The following CNTFR variants were observed in gnomAD, a reference collection of about 807,000 sequenced individuals.
CNTFR encodes the protein ciliary neurotrophic factor receptor.
In CNTFR, 12 loss-of-function variants were observed where a neutral mutation model predicts 40.4. The ratio of observed to expected loss-of-function variants is 0.30; its 90% CI spans 0.19 to 0.48. The LOEUF is 0.48. Among genes scored for constraint, CNTFR ranks in the 20% least tolerant of loss-of-function variants. The pLI, the probability that CNTFR is intolerant of heterozygous loss-of-function variation, is 0.99. For missense variants in CNTFR, 414 were observed against 506.8 expected, an observed-to-expected ratio of 0.82 and a Z score of 1.76; for synonymous variants, 202 against 209.6, an observed-to-expected ratio of 0.96 and a Z score of 0.31.
intron 2 of CNTFR, among the ~76,000 whole-genome samples, chr9:34,575,402 A>G (rs1826901618): frequency 6.6e-6 from 1 of 152,162 alleles, no homozygotes. Context: ...TGGGCAGAGC[A>G]ATAGGGTTGA....
At chr9:34,577,889 G>T (rs1393098921) in intron 2 of CNTFR, among the ~76,000 whole-genome samples, 1 of 151,912 alleles carries the variant, frequency 6.6e-6, no homozygotes, top group Non-Finnish European at 1.5e-5. Context: ...AGCCGCGGGG[G>T]GCGGAGGCCG....
At position 34,564,587 on chromosome 9, in the gene CNTFR, G is replaced by A. The variant is rs1452913157; in HGVS notation, c.319+12C>T. 2 of 1,598,594 alleles carry A rather than the reference G, an allele frequency of 1.3e-6. No individual in the cohort carries two copies. The highest frequency in any genetic ancestry group is 1.1e-5 in the South Asian group (1 of 88,670). ...GGAGGGAGGCTGGATGAGGGGTGGG[G>A]GCAACACTTACAGCCCACATGCAGC... On this transcript the variant is annotated intron_variant, in intron 4 of 9. Transcript: ENST00000378980.
At chr9:34,584,097 TTG>T (rs1488117666) in intron 1 of CNTFR, among the ~76,000 whole-genome samples, 3 of 152,072 alleles carry the variant, frequency 2.0e-5, no homozygotes, top group African/African-American at 7.2e-5. Flanking sequence ...TGGGAACACT[TTG>T]TGTTTTTTGC....
In CNTFR at chr9:34,564,580, G is replaced by A; in HGVS notation, c.319+19C>T. ...CAAGGAAGGAGGGAGGCTGGATGAGGGGTGGGGGCAACACTTACAGCCCAC... is the reference window on the plus strand; with the variant it reads ...CAAGGAAGGAGGGAGGCTGGATGAGAGGTGGGGGCAACACTTACAGCCCAC... On this transcript the variant is annotated intron_variant, in intron 4 of 9. Transcript: ENST00000378980. 1 of 1,589,282 alleles carries A rather than the reference G, an allele frequency of 6.3e-7. No homozygotes were observed. Among genetic ancestry groups the A allele is most frequent in the Non-Finnish European group, 8.6e-7 (1 of 1,166,146 alleles).
intron 4 of CNTFR, among the ~76,000 whole-genome samples, chr9:34,562,773 G>A (rs1587131903): frequency 6.6e-6 from 1 of 152,190 alleles, no homozygotes; most frequent in African/African-American, 2.4e-5. Context: ...CACTCTGTTG[G>A]TGGGTACCTC....
rs1825680258 is a variant in CNTFR, at chr9:34,552,575, G to C, written c.949+99C>G. ...CAGGCAGAAGTGTGGCTACCCCCGGGAGCAGAGGCTGGAGGCAGCAGGGTA... is the reference window on the plus strand; with the variant it reads ...CAGGCAGAAGTGTGGCTACCCCCGGCAGCAGAGGCTGGAGGCAGCAGGGTA... On this transcript the variant is annotated intron_variant, in intron 8 of 9. Transcript: ENST00000378980. The surrounding 1 kb of genome is among the most constrained non-coding windows in gnomAD (Gnocchi z 5.1). The C allele has an allele frequency of 5.4e-6, 7 of 1,295,310 alleles. No homozygotes were observed. Among genetic ancestry groups the C allele is most frequent in the Admixed American group, 5.0e-5 (2 of 39,846 alleles). 80.2% of individuals were successfully genotyped at this position (1,295,310 alleles called of 1,614,324 possible).
chr9:34,579,483 A>C (rs998024737), intron 2 of CNTFR, among the ~76,000 whole-genome samples: 4 of 152,058 alleles, frequency 2.6e-5, no homozygotes, highest in African/African-American at 9.7e-5. Context: ...GATGGGCCCT[A>C]GAAGAGAGAG....
intron 7 of CNTFR, among the ~76,000 whole-genome samples, chr9:34,554,245 G>A (rs1453940570): frequency 2.6e-5 from 4 of 152,176 alleles, no homozygotes; most frequent in Non-Finnish European, 4.4e-5. Flanking sequence ...CTCTGGCTGA[G>A]TAGCCACGGC....
chr9:34,577,158 AGTCGCT>A (rs1293666590), intron 2 of CNTFR, among the ~76,000 whole-genome samples: 2 of 152,210 alleles, frequency 1.3e-5, no homozygotes, highest in Admixed American at 1.3e-4. Flanking sequence ...GTAGACGCGG[AGTCGCT>A]GTCCAGTCAG....
intron 4 of CNTFR, among the ~76,000 whole-genome samples, chr9:34,561,450 AG>A (rs1233448253): frequency 6.6e-6 from 1 of 152,210 alleles, no homozygotes; most frequent in African/African-American, 2.4e-5. Flanking sequence ...TGCTACTAAA[AG>A]CAACACTGTG....
chr9:34,590,380 C>A (rs183969416), upstream of CNTFR, among the ~76,000 whole-genome samples: 53 of 152,314 alleles, frequency 3.5e-4, no homozygotes, highest in Non-Finnish European at 7.1e-4. Context: ...CCGGCGTCGC[C>A]GTGAGAGGAA....
intron 4 of CNTFR, among the ~76,000 whole-genome samples, chr9:34,560,961 G>A (rs1392410938): frequency 6.6e-6 from 1 of 152,206 alleles, no homozygotes; most frequent in Non-Finnish European, 1.5e-5. Context: ...GCACGCATGA[G>A]GCCTGCCCGC....
chr9:34,567,208 G>A (rs1186951070), intron 3 of CNTFR, among the ~76,000 whole-genome samples: 1 of 151,976 alleles, frequency 6.6e-6, no homozygotes, highest in Admixed American at 6.6e-5. Context: ...CTGAAGCGGT[G>A]ACAAATGCTC....
intron 4 of CNTFR, among the ~76,000 whole-genome samples, chr9:34,559,888 T>A (rs28733731): frequency 0.024 from 3,584 of 151,660 alleles, 151 homozygotes; most frequent in African/African-American, 0.083. Context: ...CTGACCAGGC[T>A]CCCCCACTCC....
intron 4 of CNTFR, among the ~76,000 whole-genome samples, chr9:34,558,476 T>G (rs1479537201): frequency 6.6e-6 from 1 of 152,170 alleles, no homozygotes; most frequent in Non-Finnish European, 1.5e-5. Flanking sequence ...AGGACAGGCC[T>G]GGTGGCTACA....
chr9:34,553,216 G>C (rs904750449), intron 7 of CNTFR, among the ~76,000 whole-genome samples: 32 of 152,136 alleles, frequency 2.1e-4, no homozygotes, highest in Admixed American at 2.0e-3. Context: ...TCCCAGCCTG[G>C]AGGTGGCAAG....
chr9:34,569,164 G>T (rs946853519), intron 2 of CNTFR, among the ~76,000 whole-genome samples, 183 bp from the exon 3 acceptor site: 2 of 152,226 alleles, frequency 1.3e-5, no homozygotes, highest in Non-Finnish European at 2.9e-5. Context: ...AATCATGCAG[G>T]CAGGGAGCTT....
chr9:34,558,478 G>C (rs1030625721), intron 4 of CNTFR, among the ~76,000 whole-genome samples: 8 of 152,318 alleles, frequency 5.3e-5, no homozygotes, highest in Non-Finnish European at 1.0e-4. Flanking sequence ...GACAGGCCTG[G>C]TGGCTACACA....
chr9:34,562,590 G>C (rs939443166), intron 4 of CNTFR, among the ~76,000 whole-genome samples: 5 of 152,206 alleles, frequency 3.3e-5, no homozygotes, highest in African/African-American at 1.2e-4. Context: ...CTGACAGCGA[G>C]GCAAGTGTCT....
Sources: allele counts gnomAD v4.1 joint callset (sites outside exome capture counted in the v4.1 genomes callset), GRCh38; gene constraint gnomAD v4.1.1; non-coding constraint Gnocchi (gnomAD v3.1); transcripts MANE v1.5; gene names NCBI Gene and HGNC (gene_info 2026-07-23, HGNC 2026-07-21).